The following PPM1N variants were observed in gnomAD, a reference collection of about 807,000 sequenced individuals.
PPM1N encodes probable protein phosphatase 1N.
A neutral mutation model predicts 32.6 loss-of-function variants in PPM1N; 35 were observed. The observed-to-expected ratio is 1.07, with a 90% confidence interval of 0.82 to 1.43. The LOEUF is 1.43. PPM1N is among the 40% of genes most tolerant of loss of function. The pLI, the probability that PPM1N is intolerant of heterozygous loss-of-function variation, is 0.00. For synonymous variants in PPM1N, 275 were observed against 270.5 expected (o/e 1.02, Z -0.16); for missense variants, 648 against 606.6 (o/e 1.07, Z -0.72).
Position 45,498,852 on chromosome 19 carries a change from G to GC in PPM1N, c.383dup (p.Glu129GlyfsTer3). The GC allele has an allele frequency of 6.5e-7, 1 of 1,531,324 alleles. No homozygotes were observed. The highest frequency in any genetic ancestry group is 2.5e-5 in the East Asian group (1 of 39,924). The allele number at this position is 1,531,324 out of a possible 1,614,324, so 94.9% of individuals were successfully genotyped here. On this transcript the variant is annotated frameshift_variant, in exon 1 of 5. Coordinates refer to ENST00000451287, the MANE Select transcript of PPM1N (RefSeq NM_001080401.2). LOFTEE classifies it high-confidence loss of function. ...CCAGGCCATGTGCTCCAGGAGCTGG[G>GC]CCCGGAGCCTAGCGAGCCCGAGGGC...
At chr19:45,499,627 G>A (rs1183891529) in intron 1 of PPM1N, 1 of 1,549,146 alleles carries the variant, frequency 6.5e-7, no homozygotes, top group Non-Finnish European at 8.7e-7. Context: ...TTAGTGGAAG[G>A]GACTTAAGAG....
At chr19:45,500,749 G>A (rs1205982738) in intron 4 of PPM1N, 39 bp downstream of exon 4, 1 of 1,523,938 alleles carries the variant, frequency 6.6e-7, no homozygotes, top group East Asian at 2.4e-5. Context: ...TCTTAGGAGG[G>A]GACGCCCCCC....
At chr19:45,499,715 T>C in intron 1 of PPM1N, 1 of 1,543,466 alleles carries the variant, frequency 6.5e-7, no homozygotes, top group Non-Finnish European at 8.7e-7. Context: ...TGCTGGAAGG[T>C]GGAAGAGCAG....
At position 45,498,514 on chromosome 19, in the gene PPM1N, C is replaced by G; in HGVS notation, c.42C>G (p.Thr14=). Reference sequence around the variant, plus strand: ...GCCAGCTGCAGCGTCTCCTCTGGACCGCTTGCAAGAAAAAGGAGAGGGAGA... The same window carrying G: ...GCCAGCTGCAGCGTCTCCTCTGGACGGCTTGCAAGAAAAAGGAGAGGGAGA... ...LARQLQRLLW[T]ACKKKEREKE... is the part of the protein sequence containing the mutation. Residue 14 remains threonine (T), a synonymous_variant, in exon 1 of 5, where the codon ACC becomes ACG. Coordinates refer to ENST00000451287, the MANE Select transcript of PPM1N (RefSeq NM_001080401.2). The G allele has an allele frequency of 7.1e-7, 1 of 1,408,382 alleles. No individual in the cohort carries two copies. Among genetic ancestry groups the G allele is most frequent in the Non-Finnish European group, 9.2e-7 (1 of 1,085,428 alleles). The allele number at this position is 1,408,382 out of a possible 1,614,324, so 87.2% of individuals were successfully genotyped here.
Position 45,499,033 on chromosome 19 carries a change from G to A in PPM1N, c.561G>A (p.Leu187=). 1 of 1,539,292 alleles carries A rather than the reference G, an allele frequency of 6.5e-7. No individual in the cohort carries two copies. The highest frequency in any genetic ancestry group is 8.7e-7 in the Non-Finnish European group (1 of 1,154,024). ...LAHCGDSRAV[L]SRAGAVAFST... ...ACTGCGGTGACTCCCGCGCGGTGCT[G>A]AGCCGCGCTGGCGCCGTGGCCTTCA... is the stretch of plus-strand genomic sequence containing the variant. The change falls in exon 1 of 5, where the codon CTG becomes CTA. Residue 187 remains leucine, a synonymous_variant. Transcript: ENST00000451287.
At chr19:45,501,004 C>A (rs1010161838) in intron 4 of PPM1N, among the ~76,000 whole-genome samples, 1 of 152,062 alleles carries the variant, frequency 6.6e-6, no homozygotes, top group Non-Finnish European at 1.5e-5. Flanking sequence ...GCGGGAGCCA[C>A]TGCAACCCAG....
In PPM1N at chr19:45,498,748, GC is replaced by G. The variant is rs1490629906; in HGVS notation, c.281del (p.Pro94ArgfsTer52). The G allele has an allele frequency of 2.6e-6, 4 of 1,557,654 alleles. No homozygotes were observed. Among genetic ancestry groups the G allele is most frequent in the East Asian group, 2.5e-5 (1 of 40,472 alleles). On this transcript the variant is annotated frameshift_variant, in exon 1 of 5. Transcript: ENST00000451287. LOFTEE classifies it high-confidence loss of function. ...GCACTTGGCTTTCGTTACCTGGTCTGCCCCCGGGCTGGGCCTTGTTTGCCGT... is the reference window on the plus strand; with the variant it reads ...GCACTTGGCTTTCGTTACCTGGTCTGCCCCGGGCTGGGCCTTGTTTGCCGT... ...HCTWLSLPGL[P>X]PGWALFAVLD...
chr19:45,498,980 G>C lies in PPM1N; in HGVS notation c.508G>C (p.Val170Leu). Residue 170 changes from valine (V) to leucine (L), a missense_variant, in exon 1 of 5, where the codon GTC (valine) becomes CTC (leucine). Physicochemically the swap from Val to Leu is conservative, Grantham distance 32 (BLOSUM62 1). Transcript: ENST00000451287. ...TGGCTAVVLL[V>L]SPRFLYLAHC... Reference sequence around the variant, plus strand: ...CGGCTGCACGGCCGTGGTGTTGCTGGTCTCCCCGCGGTTTCTGTACCTGGC... The same window carrying C: ...CGGCTGCACGGCCGTGGTGTTGCTGCTCTCCCCGCGGTTTCTGTACCTGGC... 3 of 1,562,832 alleles carry C rather than the reference G, an allele frequency of 1.9e-6. No individual in the cohort carries two copies. The highest frequency in any genetic ancestry group is 2.6e-6 in the Non-Finnish European group (3 of 1,163,696).
Position 45,502,308 on chromosome 19 carries a change from GAAAAAAAAAA to G in PPM1N, c.*240_*249del, listed in dbSNP as rs61574042. The G allele has an allele frequency of 1.1e-3, 29 of 26,858 alleles. No individual in the cohort carries two copies. Among genetic ancestry groups the G allele is most frequent in the East Asian group, 1.5e-3 (2 of 1,322 alleles). The allele number at this position is 26,858 out of a possible 1,614,324, so 1.7% of individuals were successfully genotyped here. On this transcript the variant is annotated 3_prime_UTR_variant, in exon 5 of 5. Coordinates refer to ENST00000451287, the MANE Select transcript of PPM1N (RefSeq NM_001080401.2). ...GACCAAAAAGAAAAAAGCCCAAATC[GAAAAAAAAAA>G]AAAAAAAAAAAAAAAACAAAAAAAC...
intron 4 of PPM1N, among the ~76,000 whole-genome samples, chr19:45,501,379 A>G (rs1020702850): frequency 1.3e-5 from 2 of 152,194 alleles, no homozygotes; most frequent in African/African-American, 4.8e-5. Flanking sequence ...ATCAGGGAAG[A>G]AATGGGAGGG....
chr19:45,501,901 A>C, intron 4 of PPM1N, 116 bp from the exon 5 acceptor site: 1 of 667,746 alleles, frequency 1.5e-6, no homozygotes, highest in Non-Finnish European at 2.3e-6. Context: ...GGTCCACTCC[A>C]TTCAAACCTT....
Position 45,498,942 on chromosome 19 carries a change from G to C in PPM1N, c.470G>C (p.Arg157Pro). 1 of 1,549,934 alleles carries C rather than the reference G, an allele frequency of 6.5e-7. No individual in the cohort carries two copies. The highest frequency in any genetic ancestry group is 8.6e-7 in the Non-Finnish European group (1 of 1,156,838). The change falls in exon 1 of 5, where the codon CGC (arginine) becomes CCC (proline). Residue 157 changes from arginine to proline, a missense_variant. Transcript: ENST00000451287. Reference sequence around the variant, plus strand: ...GAGCGCCTGCGCTCCCTCTGGCCCCGCGTGGAAACGGGCGGCTGCACGGCC... The same window carrying C: ...GAGCGCCTGCGCTCCCTCTGGCCCCCCGTGGAAACGGGCGGCTGCACGGCC... ...ADERLRSLWPRVETGGCTAVV... is the reference protein window; with the variant it reads ...ADERLRSLWPPVETGGCTAVV...
Position 45,499,413 on chromosome 19 carries a change from TCC to T in PPM1N, c.939+3_939+4del, listed in dbSNP as rs1968371800. ...CTGTTGGACACGTGTCTGTGCAAGGTCCTGGGGGCGTGGCGTGGTACCTTTGG... is the reference window on the plus strand; with the variant it reads ...CTGTTGGACACGTGTCTGTGCAAGGTTGGGGGCGTGGCGTGGTACCTTTGG... On this transcript the variant is annotated splice_donor_region_variant and intron_variant, in intron 1 of 4. Transcript: ENST00000451287. 1.3e-6 allele frequency: 2 copies of T among 1,599,748 alleles called. No individual in the cohort carries two copies. Among genetic ancestry groups the T allele is most frequent in the Non-Finnish European group, 1.7e-6 (2 of 1,173,320 alleles).
Position 45,499,588 on chromosome 19 carries a change from C to A in PPM1N, c.939+177C>A, listed in dbSNP as rs538305368. The A allele has an allele frequency of 3.9e-6, 6 of 1,549,460 alleles. No homozygotes were observed. In the Admixed American group the frequency reaches 1.2e-4, roughly 30 times the overall value. ...GCAGGGCCAAAATACAGGGGCGGAG[C>A]CTGAGGGATGCTTTGAGGCACGGGA... On this transcript the variant is annotated intron_variant, in intron 1 of 4. Coordinates refer to ENST00000451287, the MANE Select transcript of PPM1N (RefSeq NM_001080401.2).
Position 45,498,654 on chromosome 19 carries a change from C to T in PPM1N, c.182C>T (p.Ala61Val), listed in dbSNP as rs775957063. 2.8e-6 allele frequency: 4 copies of T among 1,417,904 alleles called. No individual in the cohort carries two copies. Among genetic ancestry groups the T allele is most frequent in the African/African-American group, 1.5e-5 (1 of 66,166 alleles). The allele number at this position is 1,417,904 out of a possible 1,614,324, so 87.8% of individuals were successfully genotyped here. Residue 61 changes from alanine to valine, a missense_variant, in exon 1 of 5, where the codon GCG (alanine) becomes GTG (valine). Transcript: ENST00000451287. ...RAQRPHGGAE[A>V]SGGLRFGASA... is the part of the protein sequence containing the mutation. ...CAGCGGCCGCACGGGGGTGCCGAGG[C>T]GTCTGGGGGCCTGCGCTTCGGGGCG...
chr19:45,500,508 T>C lies in PPM1N; in HGVS notation c.1110T>C (p.Thr370=), dbSNP rs781029375. 14 of 1,611,704 alleles carry C rather than the reference T, an allele frequency of 8.7e-6. No homozygotes were observed. The highest frequency in any genetic ancestry group is 1.7e-5 in the Admixed American group (1 of 59,686). ...CCAGCCTGAACACAGTTTTCAGGAC[T>C]CTGGCCTCAGAGGACATCCCAGATT... is the stretch of plus-strand genomic sequence containing the variant. ...KPPSLNTVFR[T]LASEDIPDLP... The change falls in exon 3 of 5, where the codon ACT becomes ACC. Residue 370 remains threonine, a synonymous_variant. Transcript: ENST00000451287.
rs1968431244 is a variant in PPM1N at position 45,502,332 on chromosome 19, A to AC, written c.*247_*248insC. 2.3e-6 allele frequency: 1 copy of AC among 435,090 alleles called. No homozygotes were observed. Among genetic ancestry groups the AC allele is most frequent in the Non-Finnish European group, 3.9e-6 (1 of 256,330 alleles). The allele number at this position is 435,090 out of a possible 1,614,324, so 27.0% of individuals were successfully genotyped here. A position where few individuals can be genotyped will look rare whatever the true frequency, so the allele number is the denominator to read the frequency against. ...CGAAAAAAAAAAAAAAAAAAAAAAA[A>AC]AACAAAAAAACCCAACCAAATGTTT... On this transcript the variant is annotated 3_prime_UTR_variant, in exon 5 of 5. Coordinates refer to ENST00000451287, the MANE Select transcript of PPM1N (RefSeq NM_001080401.2).
chr19:45,500,689 G>C lies in PPM1N; in HGVS notation c.1203G>C (p.Gln401His). The change falls in exon 4 of 5, where the codon CAG becomes CAC. Residue 401 changes from glutamine (Q) to histidine (H), a missense_variant. Gln to His is a conservative substitution (Grantham distance 24, BLOSUM62 0). Coordinates refer to ENST00000451287, the MANE Select transcript of PPM1N (RefSeq NM_001080401.2). ...VIAEVYSQICQVSEECGEKGQ... is the reference protein window; with the variant it reads ...VIAEVYSQICHVSEECGEKGQ... ...CTGAAGTTTATTCTCAGATCTGCCA[G>C]GTCTCAGAAGAGTGCGGAGAGGTAA... 6.2e-7 allele frequency: 1 copy of C among 1,604,114 alleles called. No homozygotes were observed. The highest frequency in any genetic ancestry group is 8.5e-7 in the Non-Finnish European group (1 of 1,175,526).
rs1437940002 is a variant in PPM1N, at chr19:45,501,613, G to C, written c.1225-404G>C. 2.0e-5 allele frequency among the ~76,000 whole-genome samples: 3 copies of C among 152,192 alleles called. No individual in the cohort carries two copies. The East Asian group carries it at 5.8e-4, about 29-fold the overall frequency. ...GAAGAGTTTAGAGTCTTAAGGCATGGCTGCATCTAGTTGTCAGATGATGTC... is the reference window on the plus strand; with the variant it reads ...GAAGAGTTTAGAGTCTTAAGGCATGCCTGCATCTAGTTGTCAGATGATGTC... On this transcript the variant is annotated intron_variant, in intron 4 of 4. Coordinates refer to ENST00000451287, the MANE Select transcript of PPM1N (RefSeq NM_001080401.2).
Sources: gnomAD v4.1 joint callset for allele counts (sites outside exome capture counted in the v4.1 genomes callset) on GRCh38, gnomAD v4.1.1 for gene constraint, MANE v1.5 for transcripts, NCBI Gene and HGNC (gene_info 2026-07-23, HGNC 2026-07-21) for gene names.